Variants in TENM2 observed in about 807,000 individuals in gnomAD.
The protein encoded by TENM2 is teneurin-2.
A neutral mutation model predicts 245.2 loss-of-function variants in TENM2; 52 were observed. That is an observed-to-expected ratio of 0.21 (90% CI 0.17 to 0.27). The LOEUF (loss-of-function observed/expected upper bound fraction) is 0.27. TENM2 is among the 10% of genes least tolerant of loss of function. The pLI, the probability that TENM2 is intolerant of heterozygous loss-of-function variation, is 1.00. For synonymous variants in TENM2, 1,363 were observed against 1,438.9 expected (o/e 0.95, Z 1.19); for missense variants, 3,046 against 3,666.8 (o/e 0.83, Z 4.37).
chr5:167,921,989 A>T (rs1208820664), intron 3 of TENM2, among the ~76,000 whole-genome samples: 1 of 152,212 alleles, frequency 6.6e-6, no homozygotes, highest in Non-Finnish European at 1.5e-5. Flanking sequence ...CATTTCAGTG[A>T]AGTCTCATGA....
chr5:167,788,681 T>G (rs1764742774), intron 2 of TENM2, among the ~76,000 whole-genome samples: 1 of 152,150 alleles, frequency 6.6e-6, no homozygotes, highest in African/African-American at 2.4e-5. Context: ...ACAGAAAAAC[T>G]TAGATTTCCA....
At chr5:168,211,779 A>G (rs1049776299) in intron 20 of TENM2, 25 bp downstream of exon 22, 2 of 1,310,042 alleles carry the variant, frequency 1.5e-6, no homozygotes, top group Admixed American at 2.5e-5. Context: ...TCTTTCCCAT[A>G]TAATTTGATA....
intron 1 of TENM2, among the ~76,000 whole-genome samples, chr5:167,291,997 A>G (rs968379760): frequency 6.6e-6 from 1 of 152,210 alleles, no homozygotes; most frequent in African/African-American, 2.4e-5. Flanking sequence ...GGAGGAGCAA[A>G]GGCACATCTT....
At chr5:167,334,675 G>A (rs566978598) in intron 1 of TENM2, among the ~76,000 whole-genome samples, 11 of 152,014 alleles carry the variant, frequency 7.2e-5, no homozygotes, top group South Asian at 2.1e-4. Context: ...AGCATGCTAC[G>A]ACACATTATA....
At chr5:167,857,660 C>T (rs1389892653) in intron 2 of TENM2, among the ~76,000 whole-genome samples, 1 of 152,092 alleles carries the variant, frequency 6.6e-6, no homozygotes, top group Non-Finnish European at 1.5e-5. Context: ...TTTCAAAGAC[C>T]ATAGTTTGGA....
At position 167,807,124 on chromosome 5, in the gene TENM2, T is replaced by TAAAAAAAAAAAAAAAAA. The variant is rs1178739925; in HGVS notation, c.503-68846_503-68830dup. ...ACAGTTTGGCCCAAAGCCCCTAGGT[T>TAAAAAAAAAAAAAAAAA]AAAAAAAAAAAAAAAAAAAAAAAAA... On this transcript the variant is annotated intron_variant, in intron 2 of 28. Coordinates refer to ENST00000518659, the Ensembl canonical transcript of TENM2. Among the ~76,000 whole-genome samples the TAAAAAAAAAAAAAAAAA allele has an allele frequency of 2.9e-4, 14 of 49,070 alleles. 1 individual carries two copies. The highest frequency in any genetic ancestry group is 9.9e-4 in the Admixed American group (3 of 3,016). The allele number at this position is 49,070 out of a possible 152,430, so 32.2% of individuals were successfully genotyped here. A position where few individuals can be genotyped will look rare whatever the true frequency, so the allele number is the denominator to read the frequency against.
chr5:168,186,082 G>A lies in TENM2; in HGVS notation c.2570-4255G>A, dbSNP rs1760402939. On this transcript the variant is annotated intron_variant, in intron 13 of 28. Transcript: ENST00000518659. ...AATTATAACTCAGTTTTTAATGCAA[G>A]GAAACTACAACCCAGCAAGGCTGAT... 7 of 151,022 alleles carry A rather than the reference G, an allele frequency of 4.6e-5. No individual in the cohort carries two copies. The South Asian group carries it at 1.5e-3, about 32-fold the overall frequency. 9.4% of individuals were successfully genotyped at this position (151,022 alleles called of 1,614,324 possible).
At chr5:167,898,511 A>C (rs952944655) in intron 3 of TENM2, among the ~76,000 whole-genome samples, 1 of 152,198 alleles carries the variant, frequency 6.6e-6, no homozygotes, top group Non-Finnish European at 1.5e-5. Flanking sequence ...ACTCTGATGT[A>C]ATAGGGCCAG....
chr5:167,820,592 G>A (rs529588058), intron 2 of TENM2, among the ~76,000 whole-genome samples: 1 of 152,294 alleles, frequency 6.6e-6, no homozygotes, highest in African/African-American at 2.4e-5. Context: ...GGCCTGGATG[G>A]CTCCGGCTAA....
chr5:167,708,256 GT>G (rs1480553196), intron 2 of TENM2, among the ~76,000 whole-genome samples: 2 of 150,248 alleles, frequency 1.3e-5, no homozygotes, highest in Non-Finnish European at 3.0e-5. Flanking sequence ...GAGAGAGAGA[GT>G]TAGATGATAG....
chr5:167,015,498 G>A, the TENM2 span, among the ~76,000 whole-genome samples: 9 of 152,042 alleles, frequency 5.9e-5, no homozygotes, highest in South Asian at 2.1e-4. Flanking sequence ...TATATTTTTG[G>A]TATGTTTATT....
At chr5:167,974,933 T>C (rs1022567886) in intron 4 of TENM2, among the ~76,000 whole-genome samples, 2 of 152,184 alleles carry the variant, frequency 1.3e-5, no homozygotes, top group Admixed American at 6.5e-5. Flanking sequence ...CATAACCACT[T>C]AATTTCTTGT....
At chr5:168,060,180 G>A (rs956400807) in intron 6 of TENM2, among the ~76,000 whole-genome samples, 2 of 150,092 alleles carry the variant, frequency 1.3e-5, no homozygotes, top group Admixed American at 6.7e-5. Context: ...TTGAGAACAA[G>A]AGTTTGAGAC....
At chr5:167,353,570 G>C (rs370789075) in intron 1 of TENM2, among the ~76,000 whole-genome samples, 312 of 143,756 alleles carry the variant, frequency 2.2e-3, no homozygotes, top group East Asian at 6.2e-3. Context: ...TGCAGTGGCG[G>C]GATCTCGGCT....
chr5:167,624,698 T>G (rs569700045), intron 2 of TENM2, among the ~76,000 whole-genome samples: 1 of 152,336 alleles, frequency 6.6e-6, no homozygotes, highest in South Asian at 2.1e-4. Context: ...AAAAGCTGTG[T>G]TCTGAGCTCT....
intron 2 of TENM2, among the ~76,000 whole-genome samples, chr5:167,660,852 T>C (rs550930068): frequency 1.3e-5 from 2 of 152,336 alleles, no homozygotes; most frequent in African/African-American, 4.8e-5. Flanking sequence ...CATTCATCAT[T>C]TATTCAGCAA....
chr5:167,153,745 G>A, the TENM2 span, among the ~76,000 whole-genome samples: 1 of 150,994 alleles, frequency 6.6e-6, no homozygotes, highest in Admixed American at 6.6e-5. Flanking sequence ...AGTCTTTCTG[G>A]TGTTTATTAA....
intron 1 of TENM2, among the ~76,000 whole-genome samples, chr5:167,344,282 G>GCACACACA (rs3067278): frequency 7.4e-6 from 1 of 134,536 alleles, no homozygotes. Context: ...GCACGTGCAC[G>GCACACACA]CACACACACA....
chr5:168,226,144 G>T, exon 24 of TENM2: 1 of 1,613,798 alleles, frequency 6.2e-7, no homozygotes, highest in South Asian at 1.1e-5. Flanking sequence ...GTGGTAACCA[G>T]TCTGCACCGG....
Sources: gnomAD v4.1 joint callset for allele counts (sites outside exome capture counted in the v4.1 genomes callset) on GRCh38, gnomAD v4.1.1 for gene constraint, MANE v1.5 for transcripts, NCBI Gene and HGNC (gene_info 2026-07-23, HGNC 2026-07-21) for gene names.